ROBO2: variants seen among roughly 807,000 people sequenced by gnomAD.
ROBO2 encodes roundabout homolog 2.
ROBO2 carries 53 observed loss-of-function variants against 160.8 expected under a neutral mutation model. The ratio of observed to expected loss-of-function variants is 0.33; its 90% CI spans 0.26 to 0.41. The LOEUF (loss-of-function observed/expected upper bound fraction) is 0.41, where lower values mean the gene tolerates loss of function less well. Among genes scored for constraint, ROBO2 ranks in the 10% least tolerant of loss-of-function variants. The pLI is 1.00. For synonymous variants in ROBO2, 664 were observed against 611.7 expected (o/e 1.09, Z -1.26); for missense variants, 1,577 against 1,722.4 (o/e 0.92, Z 1.49).
intron 2 of ROBO2, among the ~76,000 whole-genome samples, chr3:77,379,962 G>A (rs1464034926): frequency 6.6e-6 from 1 of 152,130 alleles, no homozygotes; most frequent in African/African-American, 2.4e-5. Context: ...CGGAGCATCT[G>A]TCTTTTTATC....
chr3:76,369,352 TTGTC>T (rs1374107430), intron 2 of ROBO2, among the ~76,000 whole-genome samples: 3 of 151,944 alleles, frequency 2.0e-5, no homozygotes, highest in Admixed American at 6.6e-5. Flanking sequence ...TCCTCTTGCT[TTGTC>T]TGTAGATAAT....
chr3:77,375,488 C>G (rs1234849800), intron 2 of ROBO2, among the ~76,000 whole-genome samples: 1 of 152,116 alleles, frequency 6.6e-6, no homozygotes, highest in Non-Finnish European at 1.5e-5. Flanking sequence ...CCTTTAAATT[C>G]TTCTCTTTAC....
chr3:77,237,009 G>A (rs184653617), intron 2 of ROBO2, among the ~76,000 whole-genome samples: 1 of 152,028 alleles, frequency 6.6e-6, no homozygotes, highest in East Asian at 1.9e-4. Context: ...GAGTAGCTAG[G>A]ACTACAGGCA....
chr3:76,624,553 C>T (rs1052192357), intron 2 of ROBO2, among the ~76,000 whole-genome samples: 1 of 151,878 alleles, frequency 6.6e-6, no homozygotes, highest in Admixed American at 6.6e-5. Flanking sequence ...AATCCCAGAA[C>T]TTTGGAAAGC....
chr3:77,288,281 G>GAGGT (rs2060753203), intron 2 of ROBO2, among the ~76,000 whole-genome samples: 1 of 152,174 alleles, frequency 6.6e-6, no homozygotes. Flanking sequence ...GGAGAGAATA[G>GAGGT]AGGTAGAGAG....
At chr3:77,321,071 T>G (rs2064638046) in intron 2 of ROBO2, among the ~76,000 whole-genome samples, 1 of 152,192 alleles carries the variant, frequency 6.6e-6, no homozygotes, top group Admixed American at 6.5e-5. Flanking sequence ...TTAGATTTTT[T>G]TCATAATTTA....
At chr3:76,629,231 C>A (rs1349931297) in intron 2 of ROBO2, among the ~76,000 whole-genome samples, 3 of 152,172 alleles carry the variant, frequency 2.0e-5, no homozygotes, top group Admixed American at 6.5e-5. Context: ...CCACACTGTT[C>A]TTCTTCAAAG....
At chr3:77,120,407 C>A (rs1367211505) in intron 2 of ROBO2, among the ~76,000 whole-genome samples, 4 of 152,124 alleles carry the variant, frequency 2.6e-5, no homozygotes, top group Non-Finnish European at 4.4e-5. Context: ...ACATTTTTCT[C>A]CTGCTCTGGA....
rs951637264 is a variant in ROBO2 at position 77,055,624 on chromosome 3, A to T, written c.61+14778A>T. On this transcript the variant is annotated intron_variant, in intron 1 of 25. Coordinates refer to ENST00000461745, the Ensembl canonical transcript of ROBO2. ...ACATTTGGAAGACTCATTTACGCAT[A>T]ATATATCCACATATAAACTTCCATG... is the stretch of plus-strand genomic sequence containing the variant. 6.4e-4 allele frequency among the ~76,000 whole-genome samples: 98 copies of T among 152,174 alleles called. 1 individual carries two copies. The highest frequency in any genetic ancestry group is 2.5e-4 in the Non-Finnish European group (17 of 68,026).
At chr3:77,034,702 G>C (rs2063525304) in intron 2 of ROBO2, among the ~76,000 whole-genome samples, 1 of 151,794 alleles carries the variant, frequency 6.6e-6, no homozygotes, top group Non-Finnish European at 1.5e-5. Flanking sequence ...GGGTATCATT[G>C]GCCTTTTCCT....
At chr3:77,521,088 G>A (rs760648525) in intron 5 of ROBO2, among the ~76,000 whole-genome samples, 2 of 151,196 alleles carry the variant, frequency 1.3e-5, no homozygotes, top group Non-Finnish European at 3.0e-5. Flanking sequence ...CATGTATCGT[G>A]CTTTTTGTGT....
At chr3:76,910,758 A>G (rs1353115167) in intron 2 of ROBO2, among the ~76,000 whole-genome samples, 1 of 150,218 alleles carries the variant, frequency 6.7e-6, no homozygotes, top group East Asian at 2.0e-4. Flanking sequence ...AAAAAAAGAA[A>G]TCATATACAT....
At chr3:77,152,367 A>G (rs2077620080) in intron 2 of ROBO2, among the ~76,000 whole-genome samples, 1 of 152,236 alleles carries the variant, frequency 6.6e-6, no homozygotes, top group Non-Finnish European at 1.5e-5. Context: ...TCAGTAAAAC[A>G]TATTAATGAA....
At chr3:77,438,804 A>T (rs958408726) in intron 2 of ROBO2, among the ~76,000 whole-genome samples, 6 of 152,056 alleles carry the variant, frequency 3.9e-5, no homozygotes, top group African/African-American at 1.4e-4. Flanking sequence ...GTACTTTTAA[A>T]GTATATGCAG....
intron 2 of ROBO2, among the ~76,000 whole-genome samples, chr3:76,549,535 C>G (rs182030): frequency 0.033 from 4,968 of 152,208 alleles, 287 homozygotes; most frequent in African/African-American, 0.11. Flanking sequence ...TGATTGTAAT[C>G]AAGTTGATAT....
At chr3:77,418,569 C>G in intron 2 of ROBO2, among the ~76,000 whole-genome samples, 1 of 151,950 alleles carries the variant, frequency 6.6e-6, no homozygotes, top group Non-Finnish European at 1.5e-5. Context: ...TTGTGTAACA[C>G]CAAATCTCTT....
chr3:76,431,967 T>C (rs2076456513), intron 2 of ROBO2, among the ~76,000 whole-genome samples: 1 of 152,188 alleles, frequency 6.6e-6, no homozygotes, highest in Admixed American at 6.6e-5. Flanking sequence ...GAATGACTCC[T>C]AGGCACAGGT....
intron 2 of ROBO2, among the ~76,000 whole-genome samples, chr3:75,959,906 TATAA>T (rs1163150768): frequency 6.6e-6 from 1 of 151,762 alleles, no homozygotes; most frequent in Non-Finnish European, 1.5e-5. Flanking sequence ...GTTAAATATA[TATAA>T]AAGTTAAATA....
chr3:76,114,442 A>G (rs1309166873), intron 2 of ROBO2, among the ~76,000 whole-genome samples: 2 of 152,178 alleles, frequency 1.3e-5, no homozygotes, highest in African/African-American at 4.8e-5. Flanking sequence ...ATTATTCATA[A>G]TAGCAAGAAC....
Sources: allele counts gnomAD v4.1 joint callset (sites outside exome capture counted in the v4.1 genomes callset), GRCh38; gene constraint gnomAD v4.1.1; transcripts MANE v1.5; gene names NCBI Gene and HGNC (gene_info 2026-07-23, HGNC 2026-07-21).